The following IGSF21 variants were observed in gnomAD, a reference collection of about 807,000 sequenced individuals.
IGSF21 encodes the protein immunoglobulin superfamily member 21.
A neutral mutation model predicts 46.8 loss-of-function variants in IGSF21; 28 were observed. The observed-to-expected ratio is 0.60, with a 90% CI of 0.44 to 0.82. The LOEUF (loss-of-function observed/expected upper bound fraction) is 0.82, where lower values mean the gene tolerates loss of function less well. Among genes scored for constraint, IGSF21 ranks in the 40% least tolerant of loss-of-function variants. The pLI, the probability that IGSF21 is intolerant of heterozygous loss-of-function variation, is 0.00. For synonymous variants in IGSF21, 284 were observed against 273.6 expected, an observed-to-expected ratio of 1.04 and a Z score of -0.38; for missense variants, 624 against 665.5, an observed-to-expected ratio of 0.94 and a Z score of 0.69.
At chr1:18,329,159 C>T (rs141082522) in intron 3 of IGSF21, among the ~76,000 whole-genome samples, 115 of 147,696 alleles carry the variant, frequency 7.8e-4, no homozygotes, top group Admixed American at 1.7e-3. Flanking sequence ...TGGGGGAGAG[C>T]ATTCATGGGC....
At chr1:18,131,597 C>A (rs146796770) in intron 1 of IGSF21, among the ~76,000 whole-genome samples, 4 of 152,152 alleles carry the variant, frequency 2.6e-5, no homozygotes, top group African/African-American at 9.6e-5. Context: ...TATAACAAAC[C>A]CCCAAATTTC....
chr1:18,151,263 C>T (rs967024641), intron 1 of IGSF21, among the ~76,000 whole-genome samples: 16 of 152,228 alleles, frequency 1.1e-4, no homozygotes, highest in African/African-American at 3.9e-4. Flanking sequence ...CTTGACACAG[C>T]ACAGTAAAAG....
chr1:18,262,448 A>G (rs567099336), intron 2 of IGSF21, among the ~76,000 whole-genome samples: 13 of 152,316 alleles, frequency 8.5e-5, no homozygotes, highest in Admixed American at 2.0e-4. Context: ...GATTTAGGTA[A>G]AGTCTATAAT....
intron 1 of IGSF21, among the ~76,000 whole-genome samples, chr1:18,216,042 A>C (rs140839128): frequency 6.6e-6 from 1 of 152,182 alleles, no homozygotes; most frequent in African/African-American, 2.4e-5. Flanking sequence ...ACGAAGAACC[A>C]CATGTTATAT....
chr1:18,282,811 C>T (rs1266702525), intron 2 of IGSF21, among the ~76,000 whole-genome samples: 4 of 152,180 alleles, frequency 2.6e-5, no homozygotes, highest in African/African-American at 7.2e-5. Flanking sequence ...CACTCTCTTA[C>T]ACTCCCTGTG....
intron 1 of IGSF21, among the ~76,000 whole-genome samples, chr1:18,215,583 C>T (rs1340106407): frequency 3.9e-5 from 6 of 152,174 alleles, no homozygotes; most frequent in Admixed American, 1.3e-4. Context: ...GGCAAAGTGA[C>T]GGTCTTCCAG....
intron 1 of IGSF21, chr1:18,110,743 C>T (rs2086136039): frequency 6.6e-6 from 1 of 152,426 alleles, no homozygotes; most frequent in Non-Finnish European, 1.5e-5. Context: ...TGGGCGTGTC[C>T]TGGGGCGTTT....
chr1:18,282,184 T>C (rs1414671583), intron 2 of IGSF21, among the ~76,000 whole-genome samples: 1 of 148,720 alleles, frequency 6.7e-6, no homozygotes, highest in Non-Finnish European at 1.5e-5. Flanking sequence ...CCGGACTGTG[T>C]ATCCGGTTGT....
intron 1 of IGSF21, among the ~76,000 whole-genome samples, chr1:18,190,634 G>T (rs796170310): frequency 3.3e-5 from 5 of 152,312 alleles, no homozygotes; most frequent in African/African-American, 1.2e-4. Context: ...GGGGTGAGTG[G>T]TTCCTCCTCA....
intron 3 of IGSF21, among the ~76,000 whole-genome samples, chr1:18,300,159 G>A (rs1049248762): frequency 1.3e-5 from 2 of 152,168 alleles, no homozygotes; most frequent in African/African-American, 4.8e-5. Context: ...CCTGCATCAG[G>A]ATCACCTTGG....
At chr1:18,302,939 C>T (rs891281101) in intron 3 of IGSF21, among the ~76,000 whole-genome samples, 4 of 152,182 alleles carry the variant, frequency 2.6e-5, no homozygotes, top group African/African-American at 9.7e-5. Flanking sequence ...CTGGAACTCC[C>T]AGAACACACC....
intron 1 of IGSF21, among the ~76,000 whole-genome samples, chr1:18,127,946 C>A (rs934984657): frequency 3.3e-5 from 5 of 151,932 alleles, no homozygotes; most frequent in Non-Finnish European, 5.9e-5. Flanking sequence ...CATCTTTGCC[C>A]AAAGCATCTG....
At chr1:18,133,059 A>C (rs2086336849) in intron 1 of IGSF21, among the ~76,000 whole-genome samples, 1 of 152,174 alleles carries the variant, frequency 6.6e-6, no homozygotes, top group Non-Finnish European at 1.5e-5. Context: ...TTTTTGGAGC[A>C]ATTAAGGAAA....
At chr1:18,181,520 A>G (rs999476861) in intron 1 of IGSF21, among the ~76,000 whole-genome samples, 1 of 152,212 alleles carries the variant, frequency 6.6e-6, no homozygotes, top group Non-Finnish European at 1.5e-5. Flanking sequence ...GGCACCAGCC[A>G]GTGACCTGTG....
intron 4 of IGSF21, among the ~76,000 whole-genome samples, chr1:18,353,260 A>G (rs1401736433): frequency 2.0e-5 from 3 of 149,602 alleles, no homozygotes; most frequent in African/African-American, 4.9e-5. Context: ...ACTCCCTTCC[A>G]CTGGTGGGAT....
chr1:18,108,278 G>C lies in IGSF21; in HGVS notation c.70+80G>C, dbSNP rs374824646. ...GTGCCGGGGGAGGGCGCTGGCCGGGGTCGCTCCGAGAGGCTCGGGCTACGA... is the reference window on the plus strand; with the variant it reads ...GTGCCGGGGGAGGGCGCTGGCCGGGCTCGCTCCGAGAGGCTCGGGCTACGA... On this transcript the variant is annotated intron_variant, in intron 1 of 9. Coordinates refer to ENST00000251296, the MANE Select transcript of IGSF21 (RefSeq NM_032880.5). 5.8e-4 allele frequency: 734 copies of C among 1,260,276 alleles called. 3 individuals carry two copies. In the African/African-American group the frequency reaches 9.7e-3, roughly 17 times the overall value. 78.1% of individuals were successfully genotyped at this position (1,260,276 alleles called of 1,614,324 possible). A position where few individuals can be genotyped will look rare whatever the true frequency, so the allele number is the denominator to read the frequency against.
At chr1:18,273,462 CTCTTTCTTTCTTTCTTTCTTTCTTTCTT>C (rs200010749) in intron 2 of IGSF21, among the ~76,000 whole-genome samples, 17 of 61,930 alleles carry the variant, frequency 2.7e-4, no homozygotes, top group South Asian at 2.3e-3. Context: ...TTCTTTCTCT[CTCTTTCTTTCTTTCTTTCTTTCTTTCTT>C]TCTTTCTTTC....
intron 1 of IGSF21, among the ~76,000 whole-genome samples, chr1:18,219,277 G>A (rs2084483458): frequency 6.6e-6 from 1 of 152,218 alleles, no homozygotes; most frequent in Non-Finnish European, 1.5e-5. Flanking sequence ...TTGAGGGATT[G>A]AGCCATGTGG....
At chr1:18,326,046 C>CT (rs1204990035) in intron 3 of IGSF21, among the ~76,000 whole-genome samples, 2 of 152,206 alleles carry the variant, frequency 1.3e-5, no homozygotes, top group African/African-American at 4.8e-5. Flanking sequence ...CCATGCCCCC[C>CT]CCTTTTTTTT....
Sources: allele counts gnomAD v4.1 joint callset (sites outside exome capture counted in the v4.1 genomes callset), GRCh38; gene constraint gnomAD v4.1.1; transcripts MANE v1.5; gene names NCBI Gene and HGNC (gene_info 2026-07-23, HGNC 2026-07-21).